GEMIN2: variants seen among roughly 807,000 people sequenced by gnomAD.
GEMIN2 encodes gem nuclear organelle associated protein 2, also known as gem-associated protein 2.
GEMIN2 carries 37 observed loss-of-function variants against 45.8 expected under a neutral mutation model. That is an observed-to-expected ratio of 0.81 (90% confidence interval 0.62 to 1.06). GEMIN2 has a LOEUF of 1.06. GEMIN2 is among the 50% of genes least tolerant of loss of function. GEMIN2 has a pLI of 0.00. For missense variants in GEMIN2, 335 were observed against 321.8 expected (o/e 1.04, Z -0.31); for synonymous variants, 101 against 111.5 (o/e 0.91, Z 0.60).
In GEMIN2 at chr14:39,133,712, G is replaced by A. The variant is rs763982656; in HGVS notation, c.763G>A (p.Val255Ile). 8 of 1,505,002 alleles carry A rather than the reference G, an allele frequency of 5.3e-6. No individual in the cohort carries two copies. Among genetic ancestry groups the A allele is most frequent in the Non-Finnish European group, 7.2e-6 (8 of 1,103,928 alleles). The allele number at this position is 1,505,002 out of a possible 1,614,324, so 93.2% of individuals were successfully genotyped here. A position where few individuals can be genotyped will look rare whatever the true frequency, so the allele number is the denominator to read the frequency against. The change falls in exon 9 of 10, where the codon GTT becomes ATT. Residue 255 changes from valine (V) to isoleucine (I), a missense_variant. Transcript: ENST00000308317. ...VPALNLLICLVSRYFDQRDLA... is the reference protein window; with the variant it reads ...VPALNLLICLISRYFDQRDLA... ...TGCTTTGAATTTATTAATCTGCTTG[G>A]TTAGCAGGTATAGTTAATCCTTGGC...
chr14:39,125,002 C>T lies in GEMIN2; in HGVS notation c.497C>T (p.Pro166Leu). The T allele has an allele frequency of 1.4e-6, 2 of 1,474,342 alleles. No individual in the cohort carries two copies. Among genetic ancestry groups the T allele is most frequent in the Non-Finnish European group, 1.9e-6 (2 of 1,056,190 alleles). The allele number at this position is 1,474,342 out of a possible 1,614,324, so 91.3% of individuals were successfully genotyped here. The part of the protein sequence containing the change: ...PGIDYVQIGF[P>L]PLLSIVSRMN... ...CATTTTTTCTTTCAGATTGGTTTTC[C>T]TCCCTTGCTTAGTATTGTTAGCAGA... Residue 166 changes from proline (P) to leucine (L), a missense_variant, in exon 6 of 10, where the codon CCT becomes CTT. Coordinates refer to ENST00000308317, the MANE Select transcript of GEMIN2 (RefSeq NM_003616.3).
chr14:39,129,411 TTTTA>T (rs1288905074), intron 7 of GEMIN2, among the ~76,000 whole-genome samples: 6 of 152,224 alleles, frequency 3.9e-5, no homozygotes, highest in East Asian at 3.9e-4. Flanking sequence ...TTTATTTATT[TTTTA>T]TTTATTTGTT....
intron 6 of GEMIN2, among the ~76,000 whole-genome samples, chr14:39,127,042 C>T (rs1327575245): frequency 1.3e-5 from 2 of 151,392 alleles, no homozygotes; most frequent in African/African-American, 2.4e-5. Context: ...GGATTATAGG[C>T]ATGAGCCCAC....
chr14:39,126,036 A>T (rs911935495), intron 6 of GEMIN2, among the ~76,000 whole-genome samples: 1 of 152,060 alleles, frequency 6.6e-6, no homozygotes, highest in Non-Finnish European at 1.5e-5. Flanking sequence ...AAAAAAAAGA[A>T]AGATTGAAAT....
At chr14:39,120,561 C>G (rs1024805823) in intron 4 of GEMIN2, among the ~76,000 whole-genome samples, 1 of 152,146 alleles carries the variant, frequency 6.6e-6, no homozygotes, top group Non-Finnish European at 1.5e-5. Flanking sequence ...AACCTTATTC[C>G]AAGACAATAG....
intron 5 of GEMIN2, among the ~76,000 whole-genome samples, chr14:39,123,762 C>A (rs1199371723): frequency 9.0e-6 from 1 of 111,354 alleles, no homozygotes; most frequent in Non-Finnish European, 1.7e-5. Context: ...CTTCCGTCAT[C>A]CAGGCTGGAG....
In GEMIN2 at chr14:39,114,357, G is replaced by T; in HGVS notation, c.19G>T (p.Glu7Ter). ...GAAAACCATGGCGTGGGTACCAGCG[G>T]AGTCCGCAGTGGAAGAGTTGATGCC... MAWVPA[E>*]SAVEELMPRL... is the part of the protein sequence containing the mutation. Residue 7 changes from glutamate (E) to a stop codon, truncating the protein, a stop_gained, in exon 1 of 10, where the codon GAG becomes TAG. Coordinates refer to ENST00000308317, the MANE Select transcript of GEMIN2 (RefSeq NM_003616.3). LOFTEE classifies it high-confidence loss of function. 6.2e-7 allele frequency: 1 copy of T among 1,614,014 alleles called. No homozygotes were observed. Among genetic ancestry groups the T allele is most frequent in the Non-Finnish European group, 8.5e-7 (1 of 1,179,830 alleles).
At chr14:39,128,256 TC>T in intron 6 of GEMIN2, 23 bp from the exon 7 acceptor site, 1 of 1,353,034 alleles carries the variant, frequency 7.4e-7, no homozygotes, top group Non-Finnish European at 1.0e-6. Context: ...ACAACTCTTC[TC>T]CACCCCCTCT....
intron 5 of GEMIN2, 32 bp downstream of exon 5, chr14:39,122,575 G>A (rs1010390095): frequency 8.5e-7 from 1 of 1,174,940 alleles, no homozygotes; most frequent in Admixed American, 2.1e-5. Flanking sequence ...AGAACAAAAA[G>A]CATTTTAATT....
intron 5 of GEMIN2, among the ~76,000 whole-genome samples, chr14:39,123,740 A>T (rs558117308): frequency 5.4e-4 from 21 of 38,884 alleles, no homozygotes; most frequent in African/African-American, 2.6e-3. Context: ...TTTTTTTTTG[A>T]GACAGGGTCT....
At chr14:39,125,832 C>T (rs2052633225) in intron 6 of GEMIN2, among the ~76,000 whole-genome samples, 2 of 151,822 alleles carry the variant, frequency 1.3e-5, no homozygotes, top group African/African-American at 2.4e-5. Flanking sequence ...CCAGCCTGGC[C>T]AACATGGTAA....
chr14:39,117,942 T>G, intron 2 of GEMIN2, 57 bp from the exon 3 acceptor site: 3 of 823,032 alleles, frequency 3.6e-6, no homozygotes, highest in Non-Finnish European at 6.2e-6. Flanking sequence ...TGCAGAGGCA[T>G]GAGATTCTAG....
At chr14:39,133,826 C>A in intron 9 of GEMIN2, 107 bp downstream of exon 9, 2 of 608,672 alleles carry the variant, frequency 3.3e-6, no homozygotes, top group Non-Finnish European at 5.6e-6. Flanking sequence ...TTGAGTCTCA[C>A]TCTGTTGCTA....
At chr14:39,123,686 C>CTATATATATATATATATATATATA (rs71130817) in intron 5 of GEMIN2, among the ~76,000 whole-genome samples, 11 of 44,984 alleles carry the variant, frequency 2.4e-4, no homozygotes, top group South Asian at 1.0e-3. Flanking sequence ...TCAAAAATAG[C>CTATATATATATATATATATATATA]TATATATATA....
chr14:39,122,370 T>TA lies in GEMIN2; in HGVS notation c.373-59dup, dbSNP rs397951082. ...TGGAAGGACTTAACTTCTTTTTTTT[T>TA]ACTGTTCAGTGTAAAAATTAATACA... On this transcript the variant is annotated intron_variant, in intron 4 of 9. Transcript: ENST00000308317. The TA allele has an allele frequency of 6.1e-6, 5 of 825,508 alleles. No individual in the cohort carries two copies. In the East Asian group the frequency reaches 7.8e-5, roughly 13 times the overall value. The allele number at this position is 825,508 out of a possible 1,614,324, so 51.1% of individuals were successfully genotyped here.
Position 39,132,004 on chromosome 14 carries a change from T to A in GEMIN2, c.647T>A (p.Leu216Ter), listed in dbSNP as rs1466079519. 4 of 1,607,306 alleles carry A rather than the reference T, an allele frequency of 2.5e-6. No homozygotes were observed. Among genetic ancestry groups the A allele is most frequent in the Non-Finnish European group, 2.6e-6 (3 of 1,173,854 alleles). The change falls in exon 8 of 10, where the codon TTA (leucine) becomes TAA (stop). Residue 216 changes from leucine (L) to a stop codon, truncating the protein, a stop_gained. Coordinates refer to ENST00000308317, the MANE Select transcript of GEMIN2 (RefSeq NM_003616.3). LOFTEE classifies it high-confidence loss of function. ...ALLACLEKPL[L>*]PEAHSLIRQL... is the part of the protein sequence containing the mutation. ...TTGGCTTGTCTTGAAAAGCCTTTGT[T>A]ACCTGAGGCTCATTCACTGATTCGG...
At chr14:39,122,188 A>T (rs1023920354) in intron 4 of GEMIN2, among the ~76,000 whole-genome samples, 19 of 152,172 alleles carry the variant, frequency 1.2e-4, no homozygotes, top group Non-Finnish European at 2.5e-4. Context: ...GCTCACCCTA[A>T]TGGCCTCAAT....
At chr14:39,129,938 T>G (rs897341985) in intron 7 of GEMIN2, among the ~76,000 whole-genome samples, 13 of 128,852 alleles carry the variant, frequency 1.0e-4, no homozygotes, top group South Asian at 2.7e-4. Context: ...AAGTTTGTTT[T>G]TTTTTTTTTT....
intron 2 of GEMIN2, among the ~76,000 whole-genome samples, chr14:39,115,719 T>C (rs911286050): frequency 6.6e-6 from 1 of 152,032 alleles, no homozygotes; most frequent in African/African-American, 2.4e-5. Flanking sequence ...CCTCCCAAAC[T>C]GCTGGGATTA....
Sources: allele counts gnomAD v4.1 joint callset (sites outside exome capture counted in the v4.1 genomes callset), GRCh38; gene constraint gnomAD v4.1.1; transcripts MANE v1.5; gene names NCBI Gene and HGNC (gene_info 2026-07-23, HGNC 2026-07-21).